LPP: variants seen among roughly 807,000 people sequenced by gnomAD.
The protein encoded by LPP is lipoma-preferred partner.
LPP carries 38 observed loss-of-function variants against 60.4 expected under a neutral mutation model. The ratio of observed to expected loss-of-function variants is 0.63; its 90% CI spans 0.49 to 0.83. The LOEUF (loss-of-function observed/expected upper bound fraction) is 0.83. Among genes scored for constraint, LPP ranks in the 40% least tolerant of loss-of-function variants. The pLI, the probability that LPP is intolerant of heterozygous loss-of-function variation, is 0.00. For synonymous variants in LPP, 328 were observed against 290.8 expected, an observed-to-expected ratio of 1.13 and a Z score of -1.30; for missense variants, 902 against 783.6, an observed-to-expected ratio of 1.15 and a Z score of -1.80.
At chr3:188,820,251 G>A (rs1753598033) in intron 9 of LPP, among the ~76,000 whole-genome samples, 1 of 151,642 alleles carries the variant, frequency 6.6e-6, no homozygotes, top group African/African-American at 2.4e-5. Context: ...GATATGTTTT[G>A]CTGTCCTAGA....
chr3:188,488,278 A>T (rs1807212147), intron 5 of LPP, among the ~76,000 whole-genome samples: 1 of 152,104 alleles, frequency 6.6e-6, no homozygotes, highest in South Asian at 2.1e-4. Flanking sequence ...GGCTGTCTGA[A>T]TTTTTGATAT....
At chr3:188,743,214 T>C (rs1016221308) in intron 8 of LPP, among the ~76,000 whole-genome samples, 1 of 152,162 alleles carries the variant, frequency 6.6e-6, no homozygotes, top group Non-Finnish European at 1.5e-5. Flanking sequence ...ACATTTTATT[T>C]GTATTAATTT....
At chr3:188,170,434 A>T (rs987656791) in intron 1 of LPP, among the ~76,000 whole-genome samples, 3 of 150,956 alleles carry the variant, frequency 2.0e-5, no homozygotes, top group African/African-American at 7.3e-5. Flanking sequence ...AGGCTCAAGC[A>T]ATTCCACTGC....
intron 3 of LPP, among the ~76,000 whole-genome samples, chr3:188,386,638 A>G (rs1377770449): frequency 6.6e-6 from 1 of 152,216 alleles, no homozygotes; most frequent in Non-Finnish European, 1.5e-5. Flanking sequence ...TAATAATGCA[A>G]GCTGAGACTT....
chr3:188,865,247 A>C (rs1453042226), intron 9 of LPP, among the ~76,000 whole-genome samples: 7 of 152,216 alleles, frequency 4.6e-5, no homozygotes, highest in Non-Finnish European at 1.0e-4. Context: ...CTGACTCACT[A>C]ACTGGTGTCT....
chr3:188,300,217 T>G (rs987735822), intron 2 of LPP, among the ~76,000 whole-genome samples: 23 of 152,166 alleles, frequency 1.5e-4, no homozygotes, highest in Non-Finnish European at 2.4e-4. Flanking sequence ...TTTTCTTTTT[T>G]TGTGTGTGTT....
At chr3:188,834,239 TGTGCTATTG>T (rs1356190965) in intron 9 of LPP, among the ~76,000 whole-genome samples, 9 of 151,994 alleles carry the variant, frequency 5.9e-5, no homozygotes, top group Non-Finnish European at 1.2e-4. Context: ...CATATAGAAA[TGTGCTATTG>T]GTGCTGCAAT....
intron 5 of LPP, among the ~76,000 whole-genome samples, chr3:188,524,084 C>A (rs1819774729): frequency 6.6e-6 from 1 of 152,324 alleles, no homozygotes; most frequent in Admixed American, 6.5e-5. Context: ...GCTTCCCCTG[C>A]AGCCCCTTGG....
intron 2 of LPP, among the ~76,000 whole-genome samples, chr3:188,333,000 A>C (rs1180389291): frequency 6.8e-6 from 1 of 146,938 alleles, no homozygotes; most frequent in Non-Finnish European, 1.5e-5. Context: ...ACATAAAGAT[A>C]GGTGTGGTGA....
chr3:188,427,898 G>A (rs761674488), intron 4 of LPP, among the ~76,000 whole-genome samples: 2 of 152,078 alleles, frequency 1.3e-5, no homozygotes, highest in African/African-American at 4.8e-5. Flanking sequence ...CCTGGCTTCA[G>A]TCCCCTTTCC....
chr3:188,829,229 C>A (rs562817364), intron 9 of LPP, among the ~76,000 whole-genome samples: 8 of 152,184 alleles, frequency 5.3e-5, no homozygotes, highest in Non-Finnish European at 1.2e-4. Flanking sequence ...TCCACCGCCT[C>A]TCCTCGCCTA....
intron 8 of LPP, among the ~76,000 whole-genome samples, chr3:188,729,082 T>C (rs967566264): frequency 1.3e-5 from 2 of 152,156 alleles, no homozygotes; most frequent in Non-Finnish European, 2.9e-5. Context: ...AGAGGTGATA[T>C]CTGATGTCTT....
chr3:188,816,198 C>CT (rs34839724), intron 9 of LPP, among the ~76,000 whole-genome samples: 23,600 of 104,000 alleles, frequency 0.23, 4,273 homozygotes, highest in East Asian at 0.76. Context: ...GCTTCCTTCT[C>CT]TTTTTTTTTT....
At chr3:188,623,088 G>T (rs1332920762) in intron 7 of LPP, among the ~76,000 whole-genome samples, 3 of 14,574 alleles carry the variant, frequency 2.1e-4, no homozygotes, top group South Asian at 0.016. Context: ...AATAGACATT[G>T]CCCCCATGAT....
chr3:188,257,438 AAG>A (rs1381067519), intron 2 of LPP, among the ~76,000 whole-genome samples: 1 of 152,226 alleles, frequency 6.6e-6, no homozygotes, highest in Non-Finnish European at 1.5e-5. Context: ...GAGAAAAGAC[AAG>A]ATTTAACGAC....
At chr3:188,607,402 T>A (rs1257982271) in intron 6 of LPP, among the ~76,000 whole-genome samples, 28 of 70,150 alleles carry the variant, frequency 4.0e-4, no homozygotes, top group Non-Finnish European at 6.2e-4. Context: ...TATATATATA[T>A]ATATATATAT....
chr3:188,707,379 A>G (rs1378119831), intron 7 of LPP, among the ~76,000 whole-genome samples: 2 of 152,172 alleles, frequency 1.3e-5, no homozygotes, highest in Non-Finnish European at 2.9e-5. Flanking sequence ...TACATTTTAT[A>G]TGGAGTCTTT....
chr3:188,529,676 G>A (rs974663544), intron 6 of LPP, among the ~76,000 whole-genome samples: 1 of 152,106 alleles, frequency 6.6e-6, no homozygotes, highest in African/African-American at 2.4e-5. Context: ...TATTGATTTT[G>A]GAAATTTGGC....
At chr3:188,251,463 C>T (rs1020882001) in intron 2 of LPP, among the ~76,000 whole-genome samples, 1 of 151,968 alleles carries the variant, frequency 6.6e-6, no homozygotes, top group African/African-American at 2.4e-5. Flanking sequence ...ACTCTGGTGC[C>T]TTAACTTATA....
Sources: gnomAD v4.1 joint callset for allele counts (sites outside exome capture counted in the v4.1 genomes callset) on GRCh38, gnomAD v4.1.1 for gene constraint, MANE v1.5 for transcripts, NCBI Gene and HGNC (gene_info 2026-07-23, HGNC 2026-07-21) for gene names.